PADI3: variants seen among roughly 807,000 people sequenced by gnomAD.
PADI3 encodes the protein peptidyl arginine deiminase 3, also known as protein-arginine deiminase type-3.
PADI3 carries 53 observed loss-of-function variants against 71.5 expected under a neutral mutation model. The observed-to-expected ratio is 0.74, with a 90% CI of 0.59 to 0.93. PADI3 has a LOEUF of 0.93. Ranked by LOEUF, PADI3 falls within the 40% of genes least tolerant of loss-of-function variation. The probability of loss-of-function intolerance (pLI) is 0.00; values close to 1 mark genes in which losing one functional copy is unlikely to be tolerated. For synonymous variants in PADI3, 361 were observed against 347.5 expected, an observed-to-expected ratio of 1.04 and a Z score of -0.43; for missense variants, 821 against 868.0, an observed-to-expected ratio of 0.95 and a Z score of 0.68.
chr1:17,259,309 C>T (rs563887740), intron 1 of PADI3, among the ~76,000 whole-genome samples: 52 of 152,254 alleles, frequency 3.4e-4, no homozygotes, highest in South Asian at 2.1e-4. Flanking sequence ...CCGCCCGCCT[C>T]GGCTTCCCAA....
intron 1 of PADI3, among the ~76,000 whole-genome samples, chr1:17,250,057 T>C (rs115086080): frequency 0.012 from 1,882 of 152,240 alleles, 42 homozygotes; most frequent in African/African-American, 0.042. Context: ...TTCTCTCTCT[T>C]AGGAAGAAAA....
At chr1:17,277,295 AGCGAT>A (rs1383340543) in intron 13 of PADI3, among the ~76,000 whole-genome samples, 1 of 151,942 alleles carries the variant, frequency 6.6e-6, no homozygotes. Context: ...CCCAAGTTCA[AGCGAT>A]TCTCCTGCCT....
At position 17,262,182 on chromosome 1, in the gene PADI3, C is replaced by T. The variant is rs746021068; in HGVS notation, c.323C>T (p.Ala108Val). The change falls in exon 3 of 16, where the codon GCG becomes GTG. Residue 108 changes from alanine to valine, a missense_variant. Transcript: ENST00000375460. ...CATGAGCCTCTGCCCCTGGCCTATG[C>T]GGTGCTCTACCTCACCTGTGTTGGT... is the stretch of plus-strand genomic sequence containing the variant. ...SSHEPLPLAY[A>V]VLYLTCVDIS... The T allele has an allele frequency of 2.9e-5, 46 of 1,611,846 alleles. No individual in the cohort carries two copies. Among genetic ancestry groups the T allele is most frequent in the Non-Finnish European group, 3.4e-5 (40 of 1,179,372 alleles).
At chr1:17,254,014 CTG>C (rs1474975100) in intron 1 of PADI3, among the ~76,000 whole-genome samples, 1 of 152,216 alleles carries the variant, frequency 6.6e-6, no homozygotes, top group Non-Finnish European at 1.5e-5. Context: ...GAGCTCTGAC[CTG>C]CCTGTGCAGA....
intron 2 of PADI3, 93 bp from the exon 3 acceptor site, chr1:17,262,040 C>T (rs2073108253): frequency 1.9e-6 from 2 of 1,080,534 alleles, no homozygotes; most frequent in East Asian, 4.9e-5. Context: ...TTCCTTGGGC[C>T]CCCTCCCCTC....
chr1:17,277,648 T>C (rs2073352594), intron 13 of PADI3, among the ~76,000 whole-genome samples: 1 of 152,246 alleles, frequency 6.6e-6, no homozygotes. Context: ...CCCTGGAGCC[T>C]CAGTGCAAGG....
chr1:17,256,253 G>T (rs535809598), intron 1 of PADI3, among the ~76,000 whole-genome samples: 1 of 152,282 alleles, frequency 6.6e-6, no homozygotes, highest in Admixed American at 6.5e-5. Flanking sequence ...TCACACTTGA[G>T]TTTCATGATT....
intron 1 of PADI3, among the ~76,000 whole-genome samples, chr1:17,249,550 G>A (rs183233766): frequency 6.6e-6 from 1 of 152,280 alleles, no homozygotes. Context: ...GTTGGGCTGA[G>A]GATCTGTCTG....
intron 1 of PADI3, among the ~76,000 whole-genome samples, chr1:17,253,343 G>T (rs1360417586): frequency 1.3e-5 from 2 of 152,364 alleles, no homozygotes; most frequent in East Asian, 3.9e-4. Context: ...GCAGCCTAGA[G>T]GGCAGCTGAG....
rs1569895755 is a variant in PADI3 at position 17,266,744 on chromosome 1, G to T, written c.434G>T (p.Gly145Val). ...CGGCAGTGGGTCTGGGGGCCCAGTGGGTATGGCGGCATCTTGCTGGTGAAC... is the reference window on the plus strand; with the variant it reads ...CGGCAGTGGGTCTGGGGGCCCAGTGTGTATGGCGGCATCTTGCTGGTGAAC... ...DKRQWVWGPSGYGGILLVNCD... is the reference protein window; with the variant it reads ...DKRQWVWGPSVYGGILLVNCD... The change falls in exon 5 of 16, where the codon GGG (glycine) becomes GTG (valine). Residue 145 changes from glycine (G) to valine (V), a missense_variant. By Grantham distance (109) the Gly-to-Val change is moderately radical. Transcript: ENST00000375460. The T allele has an allele frequency of 6.2e-7, 1 of 1,614,120 alleles. No individual in the cohort carries two copies.
chr1:17,275,180 A>C lies in PADI3; in HGVS notation c.1307+394A>C, dbSNP rs189143763. Reference sequence around the variant, plus strand: ...GAGTGGGCATGGTGGTTCATGCCGTAATCCCAGCACTTTGGGAGGCCAAGG... The same window carrying C: ...GAGTGGGCATGGTGGTTCATGCCGTCATCCCAGCACTTTGGGAGGCCAAGG... On this transcript the variant is annotated intron_variant, in intron 11 of 15. Transcript: ENST00000375460. Among the ~76,000 whole-genome samples the C allele has an allele frequency of 3.8e-3, 576 of 152,222 alleles. 5 individuals carry two copies. The highest frequency in any genetic ancestry group is 0.013 in the African/African-American group (541 of 41,536).
At chr1:17,272,699 T>C (rs2073271633) in intron 9 of PADI3, among the ~76,000 whole-genome samples, 1 of 151,966 alleles carries the variant, frequency 6.6e-6, no homozygotes, top group Non-Finnish European at 1.5e-5. Flanking sequence ...GGTCTTGCCA[T>C]GTTGCCCAGG....
At chr1:17,261,335 C>T (rs1318395479) in intron 2 of PADI3, among the ~76,000 whole-genome samples, 1 of 152,314 alleles carries the variant, frequency 6.6e-6, no homozygotes, top group African/African-American at 2.4e-5. Flanking sequence ...TGCATGTGCC[C>T]CATACATGAC....
rs2073229752 is a variant in PADI3 at position 17,270,339 on chromosome 1, C to T, written c.759C>T (p.Gly253=). ...HGDEERFFVE[G]LSFPDAGFTG... is the part of the protein sequence containing the mutation. ...ATGAGGAGCGCTTCTTCGTGGAAGG[C>T]CTGTCCTTCCCTGATGCCGGCTTCA... The change falls in exon 7 of 16, where the codon GGC becomes GGT. Residue 253 remains glycine (G), a synonymous_variant. Transcript: ENST00000375460. 38 of 1,613,990 alleles carry T rather than the reference C, an allele frequency of 2.4e-5. No individual in the cohort carries two copies. The highest frequency in any genetic ancestry group is 3.1e-5 in the Non-Finnish European group (37 of 1,179,974).
intron 3 of PADI3, among the ~76,000 whole-genome samples, chr1:17,263,084 T>C (rs1264436842): frequency 2.6e-5 from 4 of 152,300 alleles, no homozygotes; most frequent in African/African-American, 9.6e-5. Flanking sequence ...CCAGCTACTT[T>C]TGTATTTTTA....
At chr1:17,274,145 C>T (rs1182646137) in intron 10 of PADI3, among the ~76,000 whole-genome samples, 1 of 152,240 alleles carries the variant, frequency 6.6e-6, no homozygotes, top group Non-Finnish European at 1.5e-5. Context: ...AGCTCTCTCT[C>T]CTGACCCTTG....
intron 2 of PADI3, among the ~76,000 whole-genome samples, chr1:17,261,352 C>T (rs1267496222): frequency 6.6e-6 from 1 of 152,230 alleles, no homozygotes; most frequent in Admixed American, 6.5e-5. Flanking sequence ...TGACTCCTTT[C>T]ATCTTCACAG....
intron 10 of PADI3, among the ~76,000 whole-genome samples, chr1:17,274,046 G>A (rs1049422896): frequency 6.6e-6 from 1 of 152,168 alleles, no homozygotes; most frequent in Non-Finnish European, 1.5e-5. Flanking sequence ...TGCTAACGAG[G>A]ACCTCTTGAG....
Position 17,270,385 on chromosome 1 carries a change from G to T in PADI3, c.805G>T (p.Val269Phe), listed in dbSNP as rs1415882413. ...AGFTGLISFH[V>F]TLLDDSNEDF... ...CTTCACAGGACTCATCTCCTTCCATGTCACTCTGCTGGACGACTCCAACGA... is the reference window on the plus strand; with the variant it reads ...CTTCACAGGACTCATCTCCTTCCATTTCACTCTGCTGGACGACTCCAACGA... The change falls in exon 7 of 16, where the codon GTC (valine) becomes TTC (phenylalanine). Residue 269 changes from valine (V) to phenylalanine (F), a missense_variant. Val to Phe is a conservative substitution (Grantham distance 50). Coordinates refer to ENST00000375460, the MANE Select transcript of PADI3 (RefSeq NM_016233.2). The T allele has an allele frequency of 3.1e-6, 5 of 1,613,416 alleles. 1 individual carries two copies. In the African/African-American group the frequency reaches 5.4e-5, roughly 17 times the overall value.
Sources: allele counts gnomAD v4.1 joint callset (sites outside exome capture counted in the v4.1 genomes callset), GRCh38; gene constraint gnomAD v4.1.1; transcripts MANE v1.5; gene names NCBI Gene and HGNC (gene_info 2026-07-23, HGNC 2026-07-21).